The following DNAJC11 variants were observed in gnomAD, a reference collection of about 807,000 sequenced individuals.
DNAJC11 encodes dnaJ homolog subfamily C member 11.
Under a neutral mutation model 78.6 loss-of-function variants are expected in DNAJC11, and 15 were observed. The ratio of observed to expected loss-of-function variants is 0.19; its 90% CI spans 0.13 to 0.29. The LOEUF (loss-of-function observed/expected upper bound fraction) is 0.29, where lower values mean the gene tolerates loss of function less well. Among genes scored for constraint, DNAJC11 ranks in the 10% least tolerant of loss-of-function variants. The probability of loss-of-function intolerance (pLI) is 1.00; values close to 1 mark genes in which losing one functional copy is unlikely to be tolerated. For synonymous variants in DNAJC11, 292 were observed against 272.1 expected (o/e 1.07, Z -0.72); for missense variants, 547 against 709.6 (o/e 0.77, Z 2.60).
At chr1:6,696,113 T>A (rs1405077844) in intron 1 of DNAJC11, among the ~76,000 whole-genome samples, 3 of 152,248 alleles carry the variant, frequency 2.0e-5, no homozygotes, top group Non-Finnish European at 2.9e-5. Context: ...GAATAAGTTG[T>A]TTTTGGACAA....
intron 10 of DNAJC11, among the ~76,000 whole-genome samples, chr1:6,644,325 G>T (rs571611777): frequency 1.3e-5 from 2 of 152,148 alleles, no homozygotes; most frequent in African/African-American, 4.8e-5. Flanking sequence ...GTAGAGATGG[G>T]GTTTCACCAC....
intron 10 of DNAJC11, among the ~76,000 whole-genome samples, chr1:6,641,372 G>T (rs575627644): frequency 1.1e-5 from 1 of 93,108 alleles, no homozygotes; most frequent in Non-Finnish European, 2.0e-5. Context: ...GCGAAACTCC[G>T]TCTCCAAAAA....
intron 4 of DNAJC11, among the ~76,000 whole-genome samples, chr1:6,657,781 A>T (rs965160964): frequency 2.6e-5 from 4 of 152,128 alleles, no homozygotes; most frequent in African/African-American, 9.7e-5. Context: ...AGTAGCTGGG[A>T]CTACAGGCGC....
chr1:6,660,578 T>C (rs756325189), intron 4 of DNAJC11, among the ~76,000 whole-genome samples: 2 of 152,206 alleles, frequency 1.3e-5, no homozygotes, highest in Admixed American at 6.5e-5. Context: ...ATTCCTAAAG[T>C]GTCTGGCACA....
intron 11 of DNAJC11, among the ~76,000 whole-genome samples, chr1:6,639,030 C>T (rs1180187850): frequency 6.6e-6 from 1 of 152,156 alleles, no homozygotes; most frequent in Non-Finnish European, 1.5e-5. Flanking sequence ...AGATTCATTC[C>T]TTTATCTGAG....
At chr1:6,679,065 G>A (rs1642515040) in intron 2 of DNAJC11, among the ~76,000 whole-genome samples, 1 of 152,206 alleles carries the variant, frequency 6.6e-6, no homozygotes, top group Non-Finnish European at 1.5e-5. Context: ...CATGCAGGAA[G>A]TGGCACGGGC....
chr1:6,638,106 G>A (rs190367399), intron 12 of DNAJC11, 189 bp downstream of exon 12: 17 of 511,398 alleles, frequency 3.3e-5, no homozygotes, highest in African/African-American at 2.9e-4. Context: ...CCCTTGTTAG[G>A]CCTTTGGAGG....
intron 3 of DNAJC11, 58 bp from the exon 4 acceptor site, chr1:6,667,868 AC>A (rs768626572): frequency 1.1e-4 from 160 of 1,508,692 alleles, no homozygotes; most frequent in Non-Finnish European, 1.3e-4. Context: ...AGGGAAACGT[AC>A]ACAAAGAGCT....
intron 4 of DNAJC11, 132 bp from the exon 5 acceptor site, chr1:6,654,171 G>C (rs1642095303): frequency 2.7e-6 from 3 of 1,113,614 alleles, no homozygotes; most frequent in African/African-American, 1.6e-5. Context: ...GTTTAGGTAG[G>C]ACACTCCACC....
chr1:6,663,269 G>A (rs746293217), intron 4 of DNAJC11, among the ~76,000 whole-genome samples: 9 of 152,030 alleles, frequency 5.9e-5, no homozygotes, highest in African/African-American at 2.2e-4. Flanking sequence ...ATATATGCCC[G>A]CAGAGACAGT....
intron 4 of DNAJC11, among the ~76,000 whole-genome samples, chr1:6,655,166 G>A (rs1642108909): frequency 6.6e-6 from 1 of 152,148 alleles, no homozygotes; most frequent in Non-Finnish European, 1.5e-5. Flanking sequence ...GATTTCTGTT[G>A]AGGGTGAAAC....
intron 1 of DNAJC11, among the ~76,000 whole-genome samples, chr1:6,684,393 T>C (rs549389910): frequency 5.3e-5 from 8 of 152,330 alleles, no homozygotes; most frequent in African/African-American, 1.9e-4. Context: ...CAAATCATTT[T>C]CTTTCTGCAA....
intron 1 of DNAJC11, among the ~76,000 whole-genome samples, chr1:6,695,907 A>C (rs1420014723): frequency 6.6e-6 from 1 of 152,176 alleles, no homozygotes; most frequent in African/African-American, 2.4e-5. Context: ...ACTGGACTCC[A>C]GCTGCAAAGC....
chr1:6,654,891 T>C (rs1010618980), intron 4 of DNAJC11, among the ~76,000 whole-genome samples: 8 of 151,972 alleles, frequency 5.3e-5, no homozygotes, highest in African/African-American at 1.7e-4. Flanking sequence ...CTCCGCCTCC[T>C]GGGTTCAAGC....
At chr1:6,637,108 C>T in intron 14 of DNAJC11, 90 bp downstream of exon 14, 1 of 1,551,474 alleles carries the variant, frequency 6.4e-7, no homozygotes. Context: ...CCTTGGCCTT[C>T]CAAAGTGCTA....
At chr1:6,674,302 T>C (rs1642426589) in intron 3 of DNAJC11, among the ~76,000 whole-genome samples, 1 of 152,056 alleles carries the variant, frequency 6.6e-6, no homozygotes, top group Non-Finnish European at 1.5e-5. Flanking sequence ...GGCTCACATT[T>C]GTAATCCCAG....
chr1:6,654,081 T>C (rs1292404080), intron 4 of DNAJC11, 42 bp from the exon 5 acceptor site: 3 of 1,604,398 alleles, frequency 1.9e-6, no homozygotes, highest in South Asian at 1.1e-5. Context: ...GGGTGGTATT[T>C]GTGGAATGAA....
chr1:6,648,677 A>G (rs1642004833), intron 7 of DNAJC11, among the ~76,000 whole-genome samples: 1 of 151,948 alleles, frequency 6.6e-6, no homozygotes, highest in Non-Finnish European at 1.5e-5. Flanking sequence ...GGCTGGTCTC[A>G]AACTCCTGAG....
intron 4 of DNAJC11, among the ~76,000 whole-genome samples, chr1:6,655,989 C>T (rs1032310113): frequency 3.3e-5 from 5 of 151,440 alleles, no homozygotes; most frequent in South Asian, 2.1e-4. Context: ...ATAATCCCAG[C>T]TCCTCAGGAG....
Sources: gnomAD v4.1 joint callset for allele counts (sites outside exome capture counted in the v4.1 genomes callset) on GRCh38, gnomAD v4.1.1 for gene constraint, MANE v1.5 for transcripts, NCBI Gene and HGNC (gene_info 2026-07-23, HGNC 2026-07-21) for gene names.